The following NWD2 variants were observed in gnomAD, a reference collection of about 807,000 sequenced individuals.
NWD2 encodes NACHT and WD repeat domain-containing protein 2.
Under a neutral mutation model 132.7 loss-of-function variants are expected in NWD2, and 37 were observed. The observed-to-expected ratio is 0.28, with a 90% CI of 0.21 to 0.37. The LOEUF (loss-of-function observed/expected upper bound fraction) is 0.37, where lower values mean the gene tolerates loss of function less well. Among genes scored for constraint, NWD2 ranks in the 10% least tolerant of loss-of-function variants. NWD2 has a pLI of 1.00. For synonymous variants in NWD2, 705 were observed against 803.0 expected, an observed-to-expected ratio of 0.88 and a Z score of 2.06; for missense variants, 1,592 against 2,122.4, an observed-to-expected ratio of 0.75 and a Z score of 4.91.
chr4:37,246,142 A>G (rs958579927), intron 1 of NWD2, among the ~76,000 whole-genome samples: 1 of 152,228 alleles, frequency 6.6e-6, no homozygotes, highest in Admixed American at 6.5e-5. Flanking sequence ...GGAGACTGAC[A>G]GAGGTGAAAG....
At chr4:37,295,731 A>G (rs896078435) in intron 1 of NWD2, among the ~76,000 whole-genome samples, 6 of 152,186 alleles carry the variant, frequency 3.9e-5, no homozygotes, top group Non-Finnish European at 8.8e-5. Context: ...CATTTCTGTG[A>G]CAAGCTTCCC....
At chr4:37,275,666 A>C (rs1314191904) in intron 1 of NWD2, among the ~76,000 whole-genome samples, 1 of 152,166 alleles carries the variant, frequency 6.6e-6, no homozygotes, top group African/African-American at 2.4e-5. Flanking sequence ...ACACTACCTG[A>C]CTTCAAACTA....
chr4:37,302,375 A>G (rs1718628577), intron 1 of NWD2, among the ~76,000 whole-genome samples: 1 of 152,010 alleles, frequency 6.6e-6, no homozygotes, highest in African/African-American at 2.4e-5. Context: ...TGGACTCTTG[A>G]GTTGATTCCT....
chr4:37,405,654 T>C (rs375503432), intron 3 of NWD2, among the ~76,000 whole-genome samples: 6 of 152,310 alleles, frequency 3.9e-5, no homozygotes, highest in African/African-American at 1.2e-4. Flanking sequence ...TATAAAATGT[T>C]TTCCTTGCTG....
intron 2 of NWD2, among the ~76,000 whole-genome samples, chr4:37,347,439 A>G: frequency 6.6e-6 from 1 of 152,136 alleles, no homozygotes; most frequent in Admixed American, 6.5e-5. Flanking sequence ...TGATCTGTTT[A>G]CAGTTTATAC....
intron 3 of NWD2, among the ~76,000 whole-genome samples, chr4:37,418,708 A>G (rs1236015376): frequency 1.3e-5 from 2 of 151,876 alleles, no homozygotes; most frequent in African/African-American, 2.4e-5. Context: ...GTCAAATGGT[A>G]TTTCTGGTTC....
At chr4:37,440,685 A>G (rs898303672) in intron 6 of NWD2, among the ~76,000 whole-genome samples, 1 of 152,172 alleles carries the variant, frequency 6.6e-6, no homozygotes, top group Non-Finnish European at 1.5e-5. Flanking sequence ...AGCAGCGGGT[A>G]ATCTGTTAAC....
At chr4:37,334,647 C>A (rs953624469) in intron 2 of NWD2, among the ~76,000 whole-genome samples, 1 of 152,164 alleles carries the variant, frequency 6.6e-6, no homozygotes, top group Non-Finnish European at 1.5e-5. Flanking sequence ...AAGATTGAAT[C>A]CAGTTAGGAC....
intron 3 of NWD2, among the ~76,000 whole-genome samples, chr4:37,422,512 A>G (rs1178862270): frequency 6.6e-6 from 1 of 152,074 alleles, no homozygotes; most frequent in African/African-American, 2.4e-5. Context: ...TGTCTTTCCA[A>G]TCAAGAAATA....
At chr4:37,358,603 G>A (rs187099096) in intron 3 of NWD2, among the ~76,000 whole-genome samples, 251 of 152,178 alleles carry the variant, frequency 1.6e-3, no homozygotes, top group Admixed American at 3.1e-3. Context: ...TAGCTGTGTG[G>A]CACTGCAGGA....
chr4:37,354,140 C>A (rs1719824797), intron 2 of NWD2, among the ~76,000 whole-genome samples: 1 of 152,194 alleles, frequency 6.6e-6, no homozygotes, highest in Middle Eastern at 3.2e-3. Context: ...AGATCCACTC[C>A]AGACTCTGTT....
At chr4:37,324,104 T>G (rs1719122769) in intron 1 of NWD2, among the ~76,000 whole-genome samples, 1 of 152,090 alleles carries the variant, frequency 6.6e-6, no homozygotes. Flanking sequence ...ACTACCTGGA[T>G]GCAGTATACC....
At chr4:37,330,466 G>A (rs1044518721) in intron 2 of NWD2, among the ~76,000 whole-genome samples, 4 of 152,160 alleles carry the variant, frequency 2.6e-5, no homozygotes, top group Non-Finnish European at 5.9e-5. Flanking sequence ...GGAGAAAGCC[G>A]GTGGTGCAAA....
intron 3 of NWD2, among the ~76,000 whole-genome samples, chr4:37,430,208 A>G (rs34294367): frequency 0.14 from 22,004 of 152,162 alleles, 2,034 homozygotes; most frequent in South Asian, 0.2. Context: ...GAGGCTTTAC[A>G]TGTTTGACAT....
intron 3 of NWD2, among the ~76,000 whole-genome samples, chr4:37,401,252 C>T (rs555350403): frequency 2.6e-5 from 4 of 152,216 alleles, no homozygotes; most frequent in African/African-American, 7.2e-5. Context: ...CCTCCATGAG[C>T]CCCCTGGGTG....
intron 1 of NWD2, among the ~76,000 whole-genome samples, chr4:37,247,761 C>G (rs1165431622): frequency 6.6e-6 from 1 of 151,960 alleles, no homozygotes; most frequent in Non-Finnish European, 1.5e-5. Context: ...AGGTGCCCAC[C>G]ACTACGCCCG....
At chr4:37,362,501 C>T (rs1370850105) in intron 3 of NWD2, among the ~76,000 whole-genome samples, 2 of 152,066 alleles carry the variant, frequency 1.3e-5, no homozygotes, top group African/African-American at 4.8e-5. Flanking sequence ...AATGGAGAAC[C>T]CAGAAATAAA....
Position 37,446,846 on chromosome 4 carries a change from A to G in NWD2, c.4858A>G (p.Thr1620Ala), listed in dbSNP as rs1018182925. The G allele has an allele frequency of 6.4e-7, 1 of 1,551,856 alleles. No homozygotes were observed. The highest frequency in any genetic ancestry group is 8.7e-7 in the Non-Finnish European group (1 of 1,147,040). Residue 1620 changes from threonine (T) to alanine (A), a missense_variant, in exon 7 of 7, where the codon ACT (threonine) becomes GCT (alanine). This residue lies in a region of NWD2 where 257 missense variants were observed against 335.0 expected (regional missense o/e 0.77). Transcript: ENST00000309447. This position sits in a 1 kb window ranked among gnomAD's most constrained non-coding sequence, Gnocchi z 6.7. The part of the protein sequence containing the change: ...IGACSLYKTP[T>A]FLALSQRHLN... ...TGCTTGTTCCCTTTACAAAACACCA[A>G]CTTTCCTTGCACTCTCCCAGAGGCA... is the stretch of plus-strand genomic sequence containing the variant.
At chr4:37,408,013 A>T (rs1721079854) in intron 3 of NWD2, among the ~76,000 whole-genome samples, 1 of 152,204 alleles carries the variant, frequency 6.6e-6, no homozygotes, top group Admixed American at 6.5e-5. Context: ...CACTTGTCCC[A>T]TGGTCTTCAC....
Sources: gnomAD v4.1 joint callset for allele counts (sites outside exome capture counted in the v4.1 genomes callset) on GRCh38, gnomAD v4.1.1 for gene constraint, gnomAD v4.1.1 regional missense constraint, Gnocchi (gnomAD v3.1) non-coding constraint, MANE v1.5 for transcripts, NCBI Gene and HGNC (gene_info 2026-07-23, HGNC 2026-07-21) for gene names.